Variants in SPRY3 observed in about 807,000 individuals in gnomAD.
SPRY3 encodes the protein protein sprouty homolog 3.
Under a neutral mutation model 20.2 loss-of-function variants are expected in SPRY3, and 15 were observed. That is an observed-to-expected ratio of 0.74 (90% CI 0.50 to 1.14). The LOEUF is 1.14. Among genes scored for constraint, SPRY3 ranks in the 50% most tolerant of loss-of-function variants. SPRY3 has a pLI of 0.00. For synonymous variants in SPRY3, 143 were observed against 136.5 expected, an observed-to-expected ratio of 1.05 and a Z score of -0.33; for missense variants, 364 against 363.9, an observed-to-expected ratio of 1.00 and a Z score of 0.00.
At chrX:155,647,554 G>A (rs2067961984) in intron 1 of SPRY3, among the ~76,000 whole-genome samples, 1 of 110,547 alleles carries the variant, frequency 9.0e-6, no homozygotes, top group Non-Finnish European at 1.9e-5. Flanking sequence ...AGAACATGCA[G>A]TGTTTGGTTT....
At chrX:155,730,872 A>C (rs2091128364) in intron 2 of SPRY3, among the ~76,000 whole-genome samples, 1 of 152,108 alleles carries the variant, frequency 6.6e-6, no homozygotes, top group African/African-American at 2.4e-5. Flanking sequence ...GCCAACAGTG[A>C]ACCATCTGAA....
intron 2 of SPRY3, among the ~76,000 whole-genome samples, chrX:155,739,468 A>T (rs2091191301): frequency 6.6e-6 from 1 of 152,144 alleles, no homozygotes; most frequent in Non-Finnish European, 1.5e-5. Context: ...GGGCAGCCAG[A>T]CTGCTTCTTG....
intron 2 of SPRY3, among the ~76,000 whole-genome samples, chrX:155,762,139 T>C (rs2091306567): frequency 1.3e-5 from 2 of 152,146 alleles, no homozygotes; most frequent in African/African-American, 4.8e-5. Flanking sequence ...ATTTATGGTA[T>C]AGTGAAAGGA....
At chrX:155,745,009 A>T (rs1431092625) in intron 2 of SPRY3, among the ~76,000 whole-genome samples, 1 of 151,936 alleles carries the variant, frequency 6.6e-6, no homozygotes, top group African/African-American at 2.4e-5. Flanking sequence ...TAATATCTGA[A>T]CTCATGTCTA....
At chrX:155,619,370 T>A (rs2067864126) in intron 1 of SPRY3, among the ~76,000 whole-genome samples, 1 of 110,322 alleles carries the variant, frequency 9.1e-6, no homozygotes, top group African/African-American at 3.3e-5. Flanking sequence ...TGTTTTTTTG[T>A]ATTTGGTTCC....
intron 2 of SPRY3, among the ~76,000 whole-genome samples, chrX:155,724,763 A>C (rs1213015106): frequency 1.3e-5 from 2 of 152,176 alleles, no homozygotes. Context: ...GTCATCTGCA[A>C]ACAGGGACAA....
At chrX:155,771,520 A>G (rs1210773646) in intron 3 of SPRY3, among the ~76,000 whole-genome samples, 1 of 152,198 alleles carries the variant, frequency 6.6e-6, no homozygotes, top group Non-Finnish European at 1.5e-5. Context: ...CATGTATATT[A>G]TTGTTCTTAC....
intron 2 of SPRY3, among the ~76,000 whole-genome samples, chrX:155,710,636 A>G (rs1167249799): frequency 6.6e-6 from 1 of 151,738 alleles, no homozygotes; most frequent in Admixed American, 6.6e-5. Context: ...TTCCTTTCCA[A>G]TTTGGAGGTC....
At chrX:155,724,596 C>A (rs965772718) in intron 2 of SPRY3, among the ~76,000 whole-genome samples, 1 of 152,136 alleles carries the variant, frequency 6.6e-6, no homozygotes, top group Non-Finnish European at 1.5e-5. Context: ...CATGATTTGG[C>A]TCTCTGTTTG....
chrX:155,774,721 C>G, exon 4 of SPRY3: 2 of 1,612,238 alleles, frequency 1.2e-6, no homozygotes, highest in South Asian at 2.2e-5. Context: ...CCCCAAGGCC[C>G]AGGAAAAGTC....
At chrX:155,621,260 CTTGTA>C (rs1557349392) in intron 1 of SPRY3, among the ~76,000 whole-genome samples, 2 of 112,068 alleles carry the variant, frequency 1.8e-5, no homozygotes, top group Non-Finnish European at 3.8e-5. Context: ...CTATGCACGT[CTTGTA>C]CTATAAATAG....
intron 2 of SPRY3, 88 bp from the exon 2 acceptor site, chrX:155,767,874 C>T (rs1462061124): frequency 1.3e-5 from 2 of 153,858 alleles, no homozygotes; most frequent in Non-Finnish European, 2.9e-5. Context: ...GTATATGCCA[C>T]TACAGGTTTG....
At chrX:155,773,782 C>G (rs969725870) in exon 4 of SPRY3, 208 of 1,452,826 alleles carry the variant, frequency 1.4e-4, no homozygotes, top group Middle Eastern at 2.3e-4. Flanking sequence ...CTCATGTGCC[C>G]TGAAATCCAT....
intron 2 of SPRY3, among the ~76,000 whole-genome samples, chrX:155,724,855 G>T (rs1260231774): frequency 6.6e-6 from 1 of 152,130 alleles, no homozygotes; most frequent in Non-Finnish European, 1.5e-5. Flanking sequence ...CCAACACTAT[G>T]TTGAGTAGGA....
At chrX:155,758,846 C>G (rs926833986) in intron 2 of SPRY3, among the ~76,000 whole-genome samples, 2 of 152,126 alleles carry the variant, frequency 1.3e-5, no homozygotes, top group African/African-American at 4.8e-5. Context: ...TATGTCTAAT[C>G]TATTTCCACT....
exon 4 of SPRY3, chrX:155,774,926 C>A: frequency 1.5e-6 from 1 of 662,656 alleles, no homozygotes; most frequent in Non-Finnish European, 2.6e-6. Context: ...CTCACAGTAT[C>A]TATCCCACTC....
downstream of SPRY3, chrX:155,779,666 G>C (rs1046704712): frequency 3.6e-5 from 6 of 167,010 alleles, no homozygotes; most frequent in African/African-American, 1.2e-4. Flanking sequence ...AACTGGTTAA[G>C]TCAATAAATG....
At chrX:155,775,004 G>A in exon 4 of SPRY3, 1 of 560,330 alleles carries the variant, frequency 1.8e-6, no homozygotes, top group South Asian at 2.8e-5. Flanking sequence ...GTGATATATG[G>A]GTATGAGGTT....
chrX:155,692,902 G>A (rs1344947188), intron 2 of SPRY3, among the ~76,000 whole-genome samples: 1 of 110,757 alleles, frequency 9.0e-6, no homozygotes, highest in Admixed American at 9.6e-5. Context: ...GATATTGTTT[G>A]TTTTCTCTCT....
Sources: gnomAD v4.1 joint callset for allele counts (sites outside exome capture counted in the v4.1 genomes callset) on GRCh38, gnomAD v4.1.1 for gene constraint, MANE v1.5 for transcripts, NCBI Gene and HGNC (gene_info 2026-07-23, HGNC 2026-07-21) for gene names.